Variants in TAF1C observed in about 807,000 individuals in gnomAD.
TAF1C encodes the protein TATA-box binding protein associated factor, RNA polymerase I subunit C.
In TAF1C, 79 loss-of-function variants were observed where a neutral mutation model predicts 70.5. That is an observed-to-expected ratio of 1.12 (90% CI 0.93 to 1.35). The LOEUF (loss-of-function observed/expected upper bound fraction) is 1.35, where lower values mean the gene tolerates loss of function less well. Among genes scored for constraint, TAF1C ranks in the 40% most tolerant of loss-of-function variants. TAF1C has a pLI of 0.00. For synonymous variants in TAF1C, 614 were observed against 491.1 expected, an observed-to-expected ratio of 1.25 and a Z score of -3.31; for missense variants, 1,412 against 1,127.8, an observed-to-expected ratio of 1.25 and a Z score of -3.61.
rs919521608 is a variant in TAF1C at position 84,178,338 on chromosome 16, T to C, written c.*603A>G. 1.1e-5 allele frequency: 5 copies of C among 456,762 alleles called. No homozygotes were observed. Among genetic ancestry groups the C allele is most frequent in the Non-Finnish European group, 1.8e-5 (4 of 227,034 alleles). The allele number at this position is 456,762 out of a possible 1,614,324, so 28.3% of individuals were successfully genotyped here. ...TGAGCTCAGTGTCAGGTAGTAGCTGTGGCGGGACGCTGTCCAGCCTAAAAA... is the reference window on the plus strand; with the variant it reads ...TGAGCTCAGTGTCAGGTAGTAGCTGCGGCGGGACGCTGTCCAGCCTAAAAA... On this transcript the variant is annotated 3_prime_UTR_variant, in exon 15 of 15. Transcript: ENST00000566732.
rs751341740 is a variant in TAF1C at position 84,182,249 on chromosome 16, TG to T, written c.673del (p.Gln225SerfsTer23). The T allele has an allele frequency of 3.1e-6, 5 of 1,613,008 alleles. No individual in the cohort carries two copies. Among genetic ancestry groups the T allele is most frequent in the Non-Finnish European group, 4.2e-6 (5 of 1,179,934 alleles). On this transcript the variant is annotated frameshift_variant, in exon 7 of 15. Transcript: ENST00000566732. LOFTEE classifies it high-confidence loss of function. This position sits in a 1 kb window ranked among gnomAD's most constrained non-coding sequence, Gnocchi z 5.0. ...AGCAGGGTAGACCAGCTGCCCGAAC[TG>T]GGGTGTCCTTCCAGGAACCCAGGCC... ...ALAWVPGRTP[Q>X]FGQLVYPAGG...
Position 84,182,110 on chromosome 16 carries a change from C to A in TAF1C, c.722-52G>T, listed in dbSNP as rs578137150. On this transcript the variant is annotated intron_variant, in intron 7 of 14. Transcript: ENST00000566732. This position sits in a 1 kb window ranked among gnomAD's most constrained non-coding sequence, Gnocchi z 5.0. ...ACGAGCTATGATCACTGCAAGCCCCCCAAATTCCTGCCCTTCTCTGGACCA... is the reference window on the plus strand; with the variant it reads ...ACGAGCTATGATCACTGCAAGCCCCACAAATTCCTGCCCTTCTCTGGACCA... The A allele has an allele frequency of 4.3e-4, 689 of 1,595,024 alleles. 13 individuals are homozygous for A. In the South Asian group the frequency reaches 7.2e-3, roughly 17 times the overall value.
At position 84,179,145 on chromosome 16, in the gene TAF1C, T is replaced by G. The variant is rs1249459863; in HGVS notation, c.2328A>C (p.Ala776=). 6.2e-7 allele frequency: 1 copy of G among 1,607,366 alleles called. No homozygotes were observed. ...GCTCTGATGGGACGCCCTGGGCGCA[T>G]GCATCCGGAGTCAACTCCTGGGAGG... ...TPPSQELTPD[A]CAQGVPSEQR... Residue 776 remains alanine (A), a synonymous_variant, in exon 15 of 15, where the codon GCA becomes GCC. Coordinates refer to ENST00000566732, the MANE Select transcript of TAF1C (RefSeq NM_001243156.2).
Position 84,178,366 on chromosome 16 carries a change from G to C in TAF1C, c.*575C>G. ...CGGGACGCTGTCCAGCCTAAAAAAC[G>C]TGACCATTCCAATTCATCTTCAGCT... On this transcript the variant is annotated 3_prime_UTR_variant, in exon 15 of 15. Coordinates refer to ENST00000566732, the MANE Select transcript of TAF1C (RefSeq NM_001243156.2). 2.2e-6 allele frequency: 1 copy of C among 456,902 alleles called. No individual in the cohort carries two copies. The highest frequency in any genetic ancestry group is 4.4e-6 in the Non-Finnish European group (1 of 227,190). The allele number at this position is 456,902 out of a possible 1,614,324, so 28.3% of individuals were successfully genotyped here.
rs4150181 is a variant in TAF1C at position 84,178,273 on chromosome 16, G to A, written c.*668C>T. 1.1e-3 allele frequency: 513 copies of A among 452,832 alleles called. 3 individuals are homozygous for A. Among genetic ancestry groups the A allele is most frequent in the African/African-American group, 9.3e-3 (467 of 50,194 alleles). The allele number at this position is 452,832 out of a possible 1,614,324, so 28.1% of individuals were successfully genotyped here. ...GACAGCCCACAGGTGCCAGACCCAT[G>A]TCCCAAGGGAGAAGGAACATCAGCC... On this transcript the variant is annotated 3_prime_UTR_variant, in exon 15 of 15. Transcript: ENST00000566732.
chr16:84,183,552 C>A (rs575235745), intron 3 of TAF1C, 45 bp from the exon 4 acceptor site: 3 of 1,571,142 alleles, frequency 1.9e-6, no homozygotes, highest in African/African-American at 1.3e-5. Flanking sequence ...CACAGGAGTG[C>A]GGCCAGATGC....
intron 12 of TAF1C, 103 bp downstream of exon 12, chr16:84,180,940 G>T (rs2089140569): frequency 6.8e-7 from 1 of 1,462,618 alleles, no homozygotes; most frequent in Non-Finnish European, 9.1e-7. Context: ...TTGGTTTGCT[G>T]GGTGGTTGTC....
At position 84,178,254 on chromosome 16, in the gene TAF1C, C is replaced by A; in HGVS notation, c.*687G>T. The A allele has an allele frequency of 2.3e-6, 1 of 441,918 alleles. No homozygotes were observed. Among genetic ancestry groups the A allele is most frequent in the Non-Finnish European group, 4.6e-6 (1 of 218,596 alleles). 27.4% of individuals were successfully genotyped at this position (441,918 alleles called of 1,614,324 possible). A position where few individuals can be genotyped will look rare whatever the true frequency, so the allele number is the denominator to read the frequency against. On this transcript the variant is annotated 3_prime_UTR_variant, in exon 15 of 15. Coordinates refer to ENST00000566732, the MANE Select transcript of TAF1C (RefSeq NM_001243156.2). ...CTGCTCAGAGGGCACTATCGACAGC[C>A]CACAGGTGCCAGACCCATGTCCCAA...
At position 84,181,145 on chromosome 16, in the gene TAF1C, T is replaced by C. The variant is rs2089159563; in HGVS notation, c.1206A>G (p.Ala402=). 2 of 1,612,078 alleles carry C rather than the reference T, an allele frequency of 1.2e-6. No individual in the cohort carries two copies. The highest frequency in any genetic ancestry group is 2.7e-5 in the African/African-American group (2 of 74,894). The change falls in exon 12 of 15, where the codon GCA becomes GCG. Residue 402 remains alanine (A), a synonymous_variant. Transcript: ENST00000566732. The part of the protein sequence containing the change: ...GCGLLLFRLG[A]EASCQKGERV... ...GTTCCCCTTTCTGGCACGAAGCCTC[T>C]GCCCCCAAACGAAAAAGCAACAGAC...
At position 84,178,819 on chromosome 16, in the gene TAF1C, T is replaced by G; in HGVS notation, c.*122A>C. On this transcript the variant is annotated 3_prime_UTR_variant, in exon 15 of 15. Transcript: ENST00000566732. ...TGGCTCCAAATTGCTTGGCTCATCA[T>G]CACAGTGGCCTCCAGAAGGTGGCGA... 1 of 1,126,244 alleles carries G rather than the reference T, an allele frequency of 8.9e-7. No individual in the cohort carries two copies. The highest frequency in any genetic ancestry group is 1.2e-6 in the Non-Finnish European group (1 of 806,206). 69.8% of individuals were successfully genotyped at this position (1,126,244 alleles called of 1,614,324 possible). A position where few individuals can be genotyped will look rare whatever the true frequency, so the allele number is the denominator to read the frequency against.
Position 84,177,928 on chromosome 16 carries a change from G to C in TAF1C, c.*1013C>G. The C allele has an allele frequency of 1.8e-6, 2 of 1,115,780 alleles. No individual in the cohort carries two copies. The highest frequency in any genetic ancestry group is 2.7e-6 in the Non-Finnish European group (2 of 739,936). The allele number at this position is 1,115,780 out of a possible 1,614,324, so 69.1% of individuals were successfully genotyped here. A position where few individuals can be genotyped will look rare whatever the true frequency, so the allele number is the denominator to read the frequency against. On this transcript the variant is annotated 3_prime_UTR_variant, in exon 15 of 15. Transcript: ENST00000566732. ...AACATTTTAACACCCACGCGAGTCA[G>C]TGTATGATTGGGCTAGCTCCTGTTT...
chr16:84,181,279 C>T (rs1416694127), intron 11 of TAF1C, 49 bp downstream of exon 11: 6 of 1,607,218 alleles, frequency 3.7e-6, no homozygotes, highest in South Asian at 2.2e-5. Context: ...ACTCACCGCT[C>T]TGCGGCCGCT....
chr16:84,183,914 C>G (rs2089344338), intron 2 of TAF1C, 136 bp from the exon 3 acceptor site: 2 of 625,824 alleles, frequency 3.2e-6, no homozygotes, highest in Non-Finnish European at 5.4e-6. Flanking sequence ...CTGGCATTGT[C>G]ATTTTACTGC....
rs1213192465 is a variant in TAF1C, at chr16:84,180,360, G to T, written c.1309-16C>A. 28 of 1,531,840 alleles carry T rather than the reference G, an allele frequency of 1.8e-5. No individual in the cohort carries two copies. The highest frequency in any genetic ancestry group is 9.7e-5 in the African/African-American group (7 of 72,336). 94.9% of individuals were successfully genotyped at this position (1,531,840 alleles called of 1,614,324 possible). A position where few individuals can be genotyped will look rare whatever the true frequency, so the allele number is the denominator to read the frequency against. Reference sequence around the variant, plus strand: ...AGAGAGAGAACTGGGGCCCGAGAAGGAAGGGGGATGTGGCCGAACTTGGGA... The same window carrying T: ...AGAGAGAGAACTGGGGCCCGAGAAGTAAGGGGGATGTGGCCGAACTTGGGA... On this transcript the variant is annotated splice_polypyrimidine_tract_variant and intron_variant, in intron 12 of 14. Coordinates refer to ENST00000566732, the MANE Select transcript of TAF1C (RefSeq NM_001243156.2).
rs929052192 is a variant in TAF1C at position 84,178,617 on chromosome 16, C to T, written c.*324G>A. 3 of 437,496 alleles carry T rather than the reference C, an allele frequency of 6.9e-6. No homozygotes were observed. Among genetic ancestry groups the T allele is most frequent in the African/African-American group, 6.0e-5 (3 of 49,838 alleles). The allele number at this position is 437,496 out of a possible 1,614,324, so 27.1% of individuals were successfully genotyped here. On this transcript the variant is annotated 3_prime_UTR_variant, in exon 15 of 15. Transcript: ENST00000566732. ...ACAGGAAGGCGTGAGAACTGAGGGA[C>T]CTGCCTGAGGCCCCCACAGCTGAGG...
chr16:84,180,396 G>A (rs1447560015), intron 12 of TAF1C, 52 bp from the exon 13 acceptor site: 1 of 1,507,864 alleles, frequency 6.6e-7, no homozygotes. Flanking sequence ...GCTGAGCTGT[G>A]TAGTGGCCCT....
Position 84,182,929 on chromosome 16 carries a change from A to C in TAF1C, c.482+147T>G, listed in dbSNP as rs1253277251. On this transcript the variant is annotated intron_variant, in intron 6 of 14. Transcript: ENST00000566732. This position sits in a 1 kb window ranked among gnomAD's most constrained non-coding sequence, Gnocchi z 5.0. ...TTCCCCTGAGATGATTTGGAGTTGG[A>C]AGTCTGGTATAAGAAAGTACAGCTC... 6.7e-6 allele frequency: 5 copies of C among 750,894 alleles called. No individual in the cohort carries two copies. In the East Asian group the frequency reaches 1.3e-4, roughly 20 times the overall value. 46.5% of individuals were successfully genotyped at this position (750,894 alleles called of 1,614,324 possible).
In TAF1C at chr16:84,179,599, G is replaced by A. The variant is rs751477720; in HGVS notation, c.1874C>T (p.Pro625Leu). 1 of 1,612,746 alleles carries A rather than the reference G, an allele frequency of 6.2e-7. No homozygotes were observed. Among genetic ancestry groups the A allele is most frequent in the East Asian group, 2.2e-5 (1 of 44,864 alleles). The part of the protein sequence containing the change: ...KALLKVPLAP[P>L]VWTAPTFTHR... ...GGTGAAGGTGGGTGCTGTCCACACA[G>A]GAGGAGCCAGGGGCACTTTTAGCAG... The change falls in exon 15 of 15, where the codon CCT becomes CTT. Residue 625 changes from proline to leucine, a missense_variant. By Grantham distance (98) the Pro-to-Leu change is moderately conservative (BLOSUM62 -3). Coordinates refer to ENST00000566732, the MANE Select transcript of TAF1C (RefSeq NM_001243156.2).
intron 1 of TAF1C, among the ~76,000 whole-genome samples, 155 bp downstream of exon 1, chr16:84,186,746 C>T (rs948805698): frequency 6.6e-6 from 1 of 152,200 alleles, no homozygotes; most frequent in Non-Finnish European, 1.5e-5. Context: ...GGCTACAGAA[C>T]TCAGTCGGAT....
Sources: allele counts gnomAD v4.1 joint callset (sites outside exome capture counted in the v4.1 genomes callset), GRCh38; gene constraint gnomAD v4.1.1; non-coding constraint Gnocchi (gnomAD v3.1); transcripts MANE v1.5; gene names NCBI Gene and HGNC (gene_info 2026-07-23, HGNC 2026-07-21).